Variants in STYXL2 observed in about 807,000 individuals in gnomAD.
STYXL2 encodes the protein serine/threonine/tyrosine interacting like 2.
In STYXL2, 44 loss-of-function variants were observed where a neutral mutation model predicts 52.4. The ratio of observed to expected loss-of-function variants is 0.84; its 90% CI spans 0.66 to 1.08. The LOEUF is 1.08. STYXL2 is among the 50% of genes least tolerant of loss of function. The pLI is 0.00. For missense variants in STYXL2, 1,604 were observed against 1,471.7 expected (o/e 1.09, Z -1.47); for synonymous variants, 604 against 586.9 (o/e 1.03, Z -0.42).
chr1:167,126,790 A>G lies in STYXL2; in HGVS notation c.1659A>G (p.Gln553=), dbSNP rs1447572087. The change falls in exon 6 of 6, where the codon CAA becomes CAG. Residue 553 remains glutamine (Q), a synonymous_variant. Transcript: ENST00000361200. Reference sequence around the variant, plus strand: ...AAAGATGGAAGATCAAGAGAATCCAATTTGGATTTCACAAGAAAGACTTGG... The same window carrying G: ...AAAGATGGAAGATCAAGAGAATCCAGTTTGGATTTCACAAGAAAGACTTGG... ...ALERWKIKRI[Q]FGFHKKDLGA... The G allele has an allele frequency of 3.7e-6, 6 of 1,614,100 alleles. No individual in the cohort carries two copies. The African/African-American group carries it at 4.0e-5, about 11-fold the overall frequency.
At chr1:167,095,079 T>C (rs1181456067) in intron 2 of STYXL2, 120 bp downstream of exon 2, 1 of 681,872 alleles carries the variant, frequency 1.5e-6, no homozygotes, top group Non-Finnish European at 2.5e-6. Context: ...TAACAAATAT[T>C]ATTGAGTACT....
At chr1:167,113,095 A>C (rs1046523642) in intron 2 of STYXL2, among the ~76,000 whole-genome samples, 4 of 152,016 alleles carry the variant, frequency 2.6e-5, no homozygotes, top group African/African-American at 9.7e-5. Flanking sequence ...CATTTACCCA[A>C]GTTACTTTCT....
rs1216153741 is a variant in STYXL2, at chr1:167,126,369, GGGAGGAGGAGAA to G, written c.1250_1261del (p.Lys417_Glu420del). The G allele has an allele frequency of 2.6e-6, 4 of 1,546,860 alleles. No homozygotes were observed. The highest frequency in any genetic ancestry group is 2.4e-5 in the East Asian group (1 of 41,272). On this transcript the variant is annotated inframe_deletion, in exon 6 of 6. Transcript: ENST00000361200. The stretch of plus-strand genomic sequence containing the variant: ...GCAGAAGGGTACCGGAGGTGGGGAA[GGGAGGAGGAGAA>G]GGAGGAGGAGAGCGACGCTGGCTCC...
At chr1:167,104,027 G>A (rs1184351017) in intron 2 of STYXL2, among the ~76,000 whole-genome samples, 2 of 152,136 alleles carry the variant, frequency 1.3e-5, no homozygotes, top group Non-Finnish European at 2.9e-5. Context: ...GGCTGAGACA[G>A]GTGAATGGCA....
intron 5 of STYXL2, among the ~76,000 whole-genome samples, chr1:167,120,204 T>C (rs1022348031): frequency 1.3e-5 from 2 of 152,146 alleles, no homozygotes; most frequent in African/African-American, 4.8e-5. Context: ...AAAGGTGACA[T>C]GAGACTAGTC....
At chr1:167,099,533 TA>T (rs1667359506) in intron 2 of STYXL2, among the ~76,000 whole-genome samples, 1 of 152,186 alleles carries the variant, frequency 6.6e-6, no homozygotes, top group African/African-American at 2.4e-5. Flanking sequence ...AGAGATCAAT[TA>T]AAAAATTTAA....
chr1:167,095,732 C>T (rs1234796571), intron 2 of STYXL2, among the ~76,000 whole-genome samples: 1 of 152,236 alleles, frequency 6.6e-6, no homozygotes, highest in African/African-American at 2.4e-5. Context: ...TTAATCACAT[C>T]TCTGTCACCA....
At chr1:167,114,721 A>T (rs962474388) in intron 3 of STYXL2, among the ~76,000 whole-genome samples, 1 of 152,180 alleles carries the variant, frequency 6.6e-6, no homozygotes, top group African/African-American at 2.4e-5. Context: ...GCACTCTAGG[A>T]GGCCCCATCT....
chr1:167,119,365 A>G lies in STYXL2; in HGVS notation c.554A>G (p.Gln185Arg), dbSNP rs761279956. ...GAATTCTACACTGGCCTGGAGATCC[A>G]GTACCTGGGTGTAGAGGTGGATGAC... Reference protein sequence around the residue: ...GPEFYTGLEIQYLGVEVDDFP... With the variant: ...GPEFYTGLEIRYLGVEVDDFP... The change falls in exon 5 of 6, where the codon CAG becomes CGG. Residue 185 changes from glutamine to arginine, a missense_variant. Physicochemically the swap from Gln to Arg is conservative, Grantham distance 43. Coordinates refer to ENST00000361200, the MANE Select transcript of STYXL2 (RefSeq NM_001080426.3). 1.1e-5 allele frequency: 17 copies of G among 1,614,236 alleles called. No individual in the cohort carries two copies. In the South Asian group the frequency reaches 1.8e-4, roughly 17 times the overall value.
chr1:167,128,837 T>G lies in STYXL2; in HGVS notation c.*229T>G. 1 of 589,098 alleles carries G rather than the reference T, an allele frequency of 1.7e-6. No individual in the cohort carries two copies. The highest frequency in any genetic ancestry group is 3.5e-5 in the Admixed American group (1 of 28,974). The allele number at this position is 589,098 out of a possible 1,614,324, so 36.5% of individuals were successfully genotyped here. Reference sequence around the variant, plus strand: ...CGAGGTCCGAATGCGGACCAACTGATACCATTTTCTGTTGCTCAGCGCCCT... The same window carrying G: ...CGAGGTCCGAATGCGGACCAACTGAGACCATTTTCTGTTGCTCAGCGCCCT... On this transcript the variant is annotated 3_prime_UTR_variant, in exon 6 of 6. Transcript: ENST00000361200.
At chr1:167,124,472 A>G (rs941766809) in intron 5 of STYXL2, among the ~76,000 whole-genome samples, 3 of 152,240 alleles carry the variant, frequency 2.0e-5, no homozygotes, top group African/African-American at 7.2e-5. Flanking sequence ...GCAGGGAGGA[A>G]GGTCTCCAGT....
At chr1:167,111,466 GTACATA>G (rs1347580545) in intron 2 of STYXL2, among the ~76,000 whole-genome samples, 18 of 78,522 alleles carry the variant, frequency 2.3e-4, no homozygotes, top group East Asian at 7.5e-4. Flanking sequence ...GGAAAATATG[GTACATA>G]TATATATATA....
chr1:167,098,161 G>A (rs1010913781), intron 2 of STYXL2, among the ~76,000 whole-genome samples: 10 of 152,038 alleles, frequency 6.6e-5, no homozygotes, highest in South Asian at 2.1e-4. Context: ...ACAGGTGCAA[G>A]CTACCCCACC....
At chr1:167,117,610 C>A (rs934618960) in intron 4 of STYXL2, 51 bp downstream of exon 4, 3 of 1,498,466 alleles carry the variant, frequency 2.0e-6, no homozygotes, top group Non-Finnish European at 9.1e-7. Context: ...CTGGTTAGTG[C>A]CTGAGACAGA....
intron 5 of STYXL2, among the ~76,000 whole-genome samples, chr1:167,122,208 A>G (rs1454053872): frequency 1.3e-5 from 2 of 151,960 alleles, no homozygotes; most frequent in African/African-American, 4.8e-5. Flanking sequence ...ACTCCTTCAC[A>G]AGCAGCAAAG....
Position 167,126,438 on chromosome 1 carries a change from A to AGAGCAGCGCCTGGGAGAGCGT in STYXL2, c.1315_1335dup (p.Ala439_Ser445dup). The AGAGCAGCGCCTGGGAGAGCGT allele has an allele frequency of 1.9e-6, 3 of 1,574,238 alleles. No individual in the cohort carries two copies. Among genetic ancestry groups the AGAGCAGCGCCTGGGAGAGCGT allele is most frequent in the Non-Finnish European group, 2.6e-6 (3 of 1,160,576 alleles). On this transcript the variant is annotated inframe_insertion, in exon 6 of 6. Transcript: ENST00000361200. ...GGGAGGCGGCGGCGCACCCTGAGCG[A>AGAGCAGCGCCTGGGAGAGCGT]GAGCAGCGCCTGGGAGAGCGTGAGC...
At position 167,128,465 on chromosome 1, in the gene STYXL2, T is replaced by G; in HGVS notation, c.3334T>G (p.Phe1112Val). ...ERTENREEGR[F>V]ASGRRSQYRR... ...GACAGAAAACAGAGAAGAAGGGAGG[T>G]TTGCATCTGGACGGCGGTCCCAGTA... The change falls in exon 6 of 6, where the codon TTT (phenylalanine) becomes GTT (valine). Residue 1112 changes from phenylalanine (F) to valine (V), a missense_variant. Phe to Val is a conservative substitution (Grantham distance 50, BLOSUM62 -1). Transcript: ENST00000361200. The G allele has an allele frequency of 6.2e-7, 1 of 1,612,258 alleles. No homozygotes were observed. The highest frequency in any genetic ancestry group is 2.2e-5 in the East Asian group (1 of 44,788).
At chr1:167,118,305 G>C (rs1011880008) in intron 4 of STYXL2, among the ~76,000 whole-genome samples, 1 of 152,182 alleles carries the variant, frequency 6.6e-6, no homozygotes, top group Non-Finnish European at 1.5e-5. Flanking sequence ...TGGTTAATTA[G>C]TGAAACAAAT....
chr1:167,117,723 T>A (rs1304530798), intron 4 of STYXL2, among the ~76,000 whole-genome samples, 164 bp downstream of exon 4: 1 of 152,148 alleles, frequency 6.6e-6, no homozygotes, highest in Non-Finnish European at 1.5e-5. Flanking sequence ...GGCCCCTCCA[T>A]CCACCTGCAT....
Sources: gnomAD v4.1 joint callset for allele counts (sites outside exome capture counted in the v4.1 genomes callset) on GRCh38, gnomAD v4.1.1 for gene constraint, MANE v1.5 for transcripts, NCBI Gene and HGNC (gene_info 2026-07-23, HGNC 2026-07-21) for gene names.